PCSK5: variants seen among roughly 807,000 people sequenced by gnomAD.
The protein encoded by PCSK5 is proprotein convertase subtilisin/kexin type 5, also known as prohormone convertase 5.
A neutral mutation model predicts 233.2 loss-of-function variants in PCSK5; 129 were observed. The observed-to-expected ratio is 0.55, with a 90% confidence interval of 0.48 to 0.64. The LOEUF (loss-of-function observed/expected upper bound fraction) is 0.64. Ranked by LOEUF, PCSK5 falls within the 30% of genes least tolerant of loss-of-function variation. The pLI is 0.00. For missense variants in PCSK5, 2,076 were observed against 2,430.1 expected, an observed-to-expected ratio of 0.85 and a Z score of 3.06; for synonymous variants, 825 against 879.2, an observed-to-expected ratio of 0.94 and a Z score of 1.09.
Position 76,354,199 on chromosome 9 carries a change from G to A in PCSK5, c.5234G>A (p.Cys1745Tyr). ...GATCCCCCCAGTGCCCAGGAGTGCT[G>A]TGACTGCCAGGACACCACGGGTGAG... ...TSDPPSAQEC[C>Y]DCQDTTDECI... Residue 1745 changes from cysteine (C) to tyrosine (Y), a missense_variant, in exon 37 of 38, where the codon TGT becomes TAT. By Grantham distance (194) the Cys-to-Tyr change is radical. This residue lies in a region of PCSK5 where 1,510 missense variants were observed against 1,538.1 expected (regional missense o/e 0.98). Transcript: ENST00000674117. 1 of 1,584,296 alleles carries A rather than the reference G, an allele frequency of 6.3e-7. No individual in the cohort carries two copies. The highest frequency in any genetic ancestry group is 2.3e-5 in the East Asian group (1 of 43,444).
Position 76,358,755 on chromosome 9 carries a change from C to A in PCSK5, c.5497C>A (p.Gln1833Lys), listed in dbSNP as rs1180453567. 6.2e-7 allele frequency: 1 copy of A among 1,612,902 alleles called. No homozygotes were observed. Among genetic ancestry groups the A allele is most frequent in the African/African-American group, 1.3e-5 (1 of 75,042 alleles). The change falls in exon 38 of 38, where the codon CAG (glutamine) becomes AAG (lysine). Residue 1833 changes from glutamine (Q) to lysine (K), a missense_variant. This residue lies in a region of PCSK5 where 1,510 missense variants were observed against 1,538.1 expected (regional missense o/e 0.98). Transcript: ENST00000674117. ...YRESTSFEED[Q>K]VIEYRDRDYD... ...AGAGAGCACCAGCTTTGAAGAGGATCAGGTGATTGAGTACAGGGATCGGGA... is the reference window on the plus strand; with the variant it reads ...AGAGAGCACCAGCTTTGAAGAGGATAAGGTGATTGAGTACAGGGATCGGGA...
At chr9:76,092,833 T>C (rs1831350720) in intron 7 of PCSK5, among the ~76,000 whole-genome samples, 1 of 152,246 alleles carries the variant, frequency 6.6e-6, no homozygotes, top group South Asian at 2.1e-4. Flanking sequence ...AAACCCCTTT[T>C]GGCCATAACA....
chr9:76,088,635 T>G (rs1831159087), intron 7 of PCSK5, among the ~76,000 whole-genome samples: 1 of 152,132 alleles, frequency 6.6e-6, no homozygotes, highest in African/African-American at 2.4e-5. Context: ...TATAATTAAT[T>G]TCCCTAACCT....
intron 12 of PCSK5, among the ~76,000 whole-genome samples, chr9:76,168,137 A>G (rs942598397): frequency 2.6e-5 from 4 of 152,112 alleles, no homozygotes; most frequent in African/African-American, 7.2e-5. Context: ...AGTCTATGCT[A>G]TATACCTGCA....
intron 2 of PCSK5, among the ~76,000 whole-genome samples, chr9:75,984,903 T>C: frequency 6.6e-6 from 1 of 152,160 alleles, no homozygotes; most frequent in Middle Eastern, 3.2e-3. Context: ...AAGGATGCCT[T>C]AGGATCCCTT....
chr9:76,173,353 G>C (rs887808130), intron 13 of PCSK5, among the ~76,000 whole-genome samples: 1 of 152,070 alleles, frequency 6.6e-6, no homozygotes, highest in Non-Finnish European at 1.5e-5. Context: ...ATTCAGCCAA[G>C]GTGAGAGGGG....
chr9:76,046,565 T>TC (rs1829409689), intron 5 of PCSK5, among the ~76,000 whole-genome samples: 3 of 134,212 alleles, frequency 2.2e-5, no homozygotes, highest in Non-Finnish European at 4.8e-5. Context: ...TTTTCTTTTT[T>TC]TTTTTTTTTT....
rs774288106 is a variant in PCSK5, at chr9:76,175,104, C to T, written c.1875C>T (p.Asp625=). The T allele has an allele frequency of 4.2e-5, 67 of 1,614,026 alleles. No homozygotes were observed. Among genetic ancestry groups the T allele is most frequent in the East Asian group, 2.0e-4 (9 of 44,882 alleles). ...FRYSRVEDPT[D]DYGTEDYAGP... ...ATAGCCGAGTTGAAGACCCCACAGA[C>T]GACTATGGCACAGAGGATTATGCAG... The change falls in exon 14 of 38, where the codon GAC becomes GAT. Residue 625 remains aspartate, a synonymous_variant. Transcript: ENST00000674117.
At chr9:76,002,937 G>A (rs891270821) in intron 3 of PCSK5, among the ~76,000 whole-genome samples, 1 of 152,208 alleles carries the variant, frequency 6.6e-6, no homozygotes, top group South Asian at 2.1e-4. Context: ...AAAAGTGAGA[G>A]CCTTTGCCTT....
chr9:76,181,399 A>C lies in PCSK5; in HGVS notation c.2005A>C (p.Ile669Leu). ...YYYKLKNNTR[I>L]CVSSCPPGHY... ...CTTTCTTATTGTTTCACAATGCAGG[A>C]TCTGTGTCTCCAGCTGCCCCCCTGG... Residue 669 changes from isoleucine (I) to leucine (L), a missense_variant and splice_region_variant, in exon 16 of 38, where the codon ATC becomes CTC. By Grantham distance (5) the Ile-to-Leu change is conservative. This residue lies in a region of PCSK5 where 84 missense variants were observed against 108.8 expected (regional missense o/e 0.77). Coordinates refer to ENST00000674117, the MANE Select transcript of PCSK5 (RefSeq NM_001372043.1). 6.2e-7 allele frequency: 1 copy of C among 1,611,632 alleles called. No individual in the cohort carries two copies. Among genetic ancestry groups the C allele is most frequent in the Non-Finnish European group, 8.5e-7 (1 of 1,178,910 alleles).
At chr9:76,203,535 G>A (rs373867439) in intron 20 of PCSK5, among the ~76,000 whole-genome samples, 32 of 151,768 alleles carry the variant, frequency 2.1e-4, no homozygotes, top group Non-Finnish European at 3.7e-4. Context: ...GTGTGAGATG[G>A]ACTTGGCCCA....
chr9:75,909,324 T>A (rs12553598), intron 1 of PCSK5, among the ~76,000 whole-genome samples: 20,587 of 149,242 alleles, frequency 0.14, 1,714 homozygotes, highest in Middle Eastern at 0.19. Context: ...AGACTCCATC[T>A]CAAAAAAAAA....
intron 20 of PCSK5, among the ~76,000 whole-genome samples, chr9:76,201,518 G>A (rs1824914111): frequency 1.3e-5 from 2 of 152,322 alleles, no homozygotes; most frequent in Admixed American, 1.3e-4. Flanking sequence ...AAGAGCCAAG[G>A]AGGATTCCAT....
chr9:76,225,556 G>A (rs2131306936), intron 20 of PCSK5, among the ~76,000 whole-genome samples: 1 of 152,208 alleles, frequency 6.6e-6, no homozygotes, highest in Non-Finnish European at 1.5e-5. Flanking sequence ...TAATTTTGCT[G>A]GTACCTGGAC....
intron 32 of PCSK5, among the ~76,000 whole-genome samples, chr9:76,327,326 C>T (rs1829393392): frequency 6.6e-6 from 1 of 151,866 alleles, no homozygotes; most frequent in Admixed American, 6.6e-5. Context: ...AGGCTGGTCT[C>T]GAACTCCTGG....
intron 24 of PCSK5, among the ~76,000 whole-genome samples, chr9:76,268,336 G>A (rs1827403369): frequency 6.6e-6 from 1 of 152,070 alleles, no homozygotes; most frequent in Admixed American, 6.5e-5. Context: ...CTCTATACCT[G>A]AATCATAATT....
intron 9 of PCSK5, among the ~76,000 whole-genome samples, chr9:76,116,325 C>T (rs1258380149): frequency 2.6e-5 from 4 of 152,086 alleles, no homozygotes; most frequent in African/African-American, 4.8e-5. Flanking sequence ...TTCTTACCAT[C>T]TTAGATTAAG....
intron 5 of PCSK5, among the ~76,000 whole-genome samples, chr9:76,064,384 A>C (rs1830182649): frequency 8.9e-6 from 1 of 112,322 alleles, no homozygotes; most frequent in South Asian, 3.7e-4. Context: ...TCCCTCCCGG[A>C]CGGCACGGCT....
intron 1 of PCSK5, among the ~76,000 whole-genome samples, chr9:75,929,575 G>A (rs62555888): frequency 0.057 from 8,675 of 152,182 alleles, 301 homozygotes; most frequent in Non-Finnish European, 0.062. Context: ...AGCTGCAGTA[G>A]GGGAGGTGCC....
Sources: gnomAD v4.1 joint callset for allele counts (sites outside exome capture counted in the v4.1 genomes callset) on GRCh38, gnomAD v4.1.1 for gene constraint, gnomAD v4.1.1 regional missense constraint, MANE v1.5 for transcripts, NCBI Gene and HGNC (gene_info 2026-07-23, HGNC 2026-07-21) for gene names.